The following SNTG1 variants were observed in gnomAD, a reference collection of about 807,000 sequenced individuals.
SNTG1 encodes the protein syntrophin gamma 1, also known as gamma-1-syntrophin.
Under a neutral mutation model 74.7 loss-of-function variants are expected in SNTG1, and 39 were observed. That is an observed-to-expected ratio of 0.52 (90% CI 0.40 to 0.68). The LOEUF is 0.68. Among genes scored for constraint, SNTG1 ranks in the 30% least tolerant of loss-of-function variants. The pLI is 0.00. For missense variants in SNTG1, 685 were observed against 609.5 expected (o/e 1.12, Z -1.30); for synonymous variants, 254 against 217.1 (o/e 1.17, Z -1.49).
intron 15 of SNTG1, among the ~76,000 whole-genome samples, chr8:50,690,918 G>T (rs963911842): frequency 1.3e-5 from 2 of 152,192 alleles, no homozygotes; most frequent in African/African-American, 4.8e-5. Context: ...CTTGCTTTAT[G>T]AATCTGGGTG....
At chr8:50,018,613 T>C (rs1000409953) in intron 1 of SNTG1, among the ~76,000 whole-genome samples, 1 of 152,000 alleles carries the variant, frequency 6.6e-6, no homozygotes, top group Non-Finnish European at 1.5e-5. Flanking sequence ...TTTTTACTTA[T>C]GATATCAAAA....
chr8:50,790,763 A>G (rs1167345221), intron 18 of SNTG1, among the ~76,000 whole-genome samples: 1 of 151,904 alleles, frequency 6.6e-6, no homozygotes, highest in Non-Finnish European at 1.5e-5. Context: ...TTAAAGTGTC[A>G]ATCTATATCA....
chr8:50,670,389 AC>A (rs1425412684), intron 15 of SNTG1, among the ~76,000 whole-genome samples: 1 of 151,946 alleles, frequency 6.6e-6, no homozygotes, highest in Non-Finnish European at 1.5e-5. Context: ...GCATTCTTAT[AC>A]ACCAATAATA....
intron 2 of SNTG1, among the ~76,000 whole-genome samples, chr8:50,249,402 C>T (rs114480131): frequency 1.9e-3 from 292 of 152,358 alleles, no homozygotes; most frequent in African/African-American, 6.4e-3. Flanking sequence ...CATAAGCTGG[C>T]CTCACCTCAG....
chr8:50,768,789 T>C (rs1175216416), intron 18 of SNTG1, among the ~76,000 whole-genome samples: 2 of 152,074 alleles, frequency 1.3e-5, no homozygotes, highest in African/African-American at 4.8e-5. Context: ...AAATTCATGT[T>C]TGGAGTGCTT....
At chr8:50,073,383 A>G (rs1180034418) in intron 1 of SNTG1, among the ~76,000 whole-genome samples, 1 of 152,114 alleles carries the variant, frequency 6.6e-6, no homozygotes, top group Non-Finnish European at 1.5e-5. Context: ...TTCATGCTCT[A>G]CTTCTAATTC....
intron 2 of SNTG1, among the ~76,000 whole-genome samples, chr8:50,290,374 GA>G (rs2089026682): frequency 6.6e-6 from 1 of 152,158 alleles, no homozygotes; most frequent in South Asian, 2.1e-4. Flanking sequence ...GTCCTTGAAA[GA>G]GGATTCTTTC....
At chr8:50,552,738 TG>T (rs1403435082) in intron 11 of SNTG1, among the ~76,000 whole-genome samples, 2 of 152,188 alleles carry the variant, frequency 1.3e-5, no homozygotes, top group East Asian at 3.9e-4. Flanking sequence ...TATAGCAAAC[TG>T]GGAAAAGAAT....
At chr8:50,734,308 C>T (rs1001399318) in intron 17 of SNTG1, among the ~76,000 whole-genome samples, 3 of 151,688 alleles carry the variant, frequency 2.0e-5, no homozygotes, top group African/African-American at 7.3e-5. Flanking sequence ...TATATAGAGA[C>T]TGACATCTTC....
chr8:50,179,245 C>A (rs1586602871), intron 2 of SNTG1, among the ~76,000 whole-genome samples: 2 of 152,200 alleles, frequency 1.3e-5, no homozygotes, highest in South Asian at 4.2e-4. Context: ...AAATATGATA[C>A]CCCAAACTCT....
intron 17 of SNTG1, among the ~76,000 whole-genome samples, chr8:50,724,523 T>C (rs1406142457): frequency 6.6e-6 from 1 of 152,168 alleles, no homozygotes; most frequent in Non-Finnish European, 1.5e-5. Flanking sequence ...AAGACTGTTA[T>C]CTCTAAAATA....
chr8:50,091,207 A>G lies in SNTG1; in HGVS notation c.-102-81354A>G, dbSNP rs2131160368. ...AAGGTGTAAAGCATGATGTTTTGAT[A>G]TACTTACACGTGGTAAAATGATTAC... On this transcript the variant is annotated intron_variant, in intron 1 of 18. Transcript: ENST00000642720. Among the ~76,000 whole-genome samples, 3 of 152,206 alleles carry G rather than the reference A, an allele frequency of 2.0e-5. 1 individual carries two copies. In the Middle Eastern group the frequency reaches 0.01, roughly 518 times the overall value.
chr8:49,918,709 AT>A (rs901946998), intron 1 of SNTG1, among the ~76,000 whole-genome samples: 19 of 151,482 alleles, frequency 1.3e-4, no homozygotes, highest in African/African-American at 3.4e-4. Context: ...ATATATGGCA[AT>A]TTTTTTTTGT....
chr8:50,436,647 G>A (rs1402727988), intron 4 of SNTG1, among the ~76,000 whole-genome samples: 4 of 152,000 alleles, frequency 2.6e-5, no homozygotes, highest in African/African-American at 9.7e-5. Flanking sequence ...TAGCATCATT[G>A]GCACATTGTC....
intron 17 of SNTG1, among the ~76,000 whole-genome samples, chr8:50,734,745 G>A (rs28683156): frequency 0.18 from 13,098 of 72,002 alleles, 1,313 homozygotes; most frequent in African/African-American, 0.38. Flanking sequence ...ATATGGACAT[G>A]TATATAGATA....
chr8:50,346,614 A>AGG (rs1268486764), intron 2 of SNTG1, among the ~76,000 whole-genome samples: 1 of 152,274 alleles, frequency 6.6e-6, no homozygotes, highest in Non-Finnish European at 1.5e-5. Flanking sequence ...AGCTGAAATA[A>AGG]GCTGAAAGCT....
intron 1 of SNTG1, among the ~76,000 whole-genome samples, chr8:50,095,352 T>A (rs1199221147): frequency 1.3e-5 from 2 of 152,304 alleles, no homozygotes; most frequent in East Asian, 3.9e-4. Context: ...GTTTAAGGAC[T>A]GAAACCTTTC....
intron 2 of SNTG1, among the ~76,000 whole-genome samples, chr8:50,359,068 CT>C (rs769630577): frequency 2.0e-5 from 3 of 152,166 alleles, no homozygotes; most frequent in Non-Finnish European, 4.4e-5. Flanking sequence ...ATGTTTCTGC[CT>C]TCCAGAACCA....
intron 1 of SNTG1, among the ~76,000 whole-genome samples, chr8:50,165,880 G>C (rs927767201): frequency 6.6e-6 from 1 of 151,684 alleles, no homozygotes; most frequent in Non-Finnish European, 1.5e-5. Context: ...ATACTACAAG[G>C]CTACAGTAAC....
Sources: allele counts gnomAD v4.1 joint callset (sites outside exome capture counted in the v4.1 genomes callset), GRCh38; gene constraint gnomAD v4.1.1; transcripts MANE v1.5; gene names NCBI Gene and HGNC (gene_info 2026-07-23, HGNC 2026-07-21).